Variants in MRRF observed in about 807,000 individuals in gnomAD.
MRRF encodes the protein mitochondrial ribosome recycling factor, also known as ribosome-recycling factor, mitochondrial.
In MRRF, 18 loss-of-function variants were observed where a neutral mutation model predicts 25.1. That is an observed-to-expected ratio of 0.72 (90% CI 0.50 to 1.06). The LOEUF is 1.06. Among genes scored for constraint, MRRF ranks in the 50% least tolerant of loss-of-function variants. MRRF has a pLI of 0.00. For synonymous variants in MRRF, 113 were observed against 112.1 expected (o/e 1.01, Z -0.05); for missense variants, 323 against 319.3 (o/e 1.01, Z -0.09).
At chr9:122,283,347 C>G (rs1445000558) in intron 3 of MRRF, among the ~76,000 whole-genome samples, 1 of 152,168 alleles carries the variant, frequency 6.6e-6, no homozygotes, top group Non-Finnish European at 1.5e-5. Context: ...CCCGCCTCAG[C>G]CTCCCAAAGT....
chr9:122,270,324 A>G (rs932668281), intron 1 of MRRF, among the ~76,000 whole-genome samples: 4 of 152,256 alleles, frequency 2.6e-5, no homozygotes, highest in Admixed American at 6.5e-5. Context: ...GAAGACCTCA[A>G]ACCTCAATCA....
At chr9:122,315,937 G>A (rs1223840467) in intron 6 of MRRF, among the ~76,000 whole-genome samples, 1 of 152,052 alleles carries the variant, frequency 6.6e-6, no homozygotes, top group African/African-American at 2.4e-5. Flanking sequence ...CTGGCTTTTC[G>A]CCATCCTCTT....
chr9:122,277,396 C>G (rs1588015406), intron 2 of MRRF, among the ~76,000 whole-genome samples: 1 of 152,254 alleles, frequency 6.6e-6, no homozygotes. Flanking sequence ...ATACATCAAA[C>G]TTTCTGTGAT....
intron 5 of MRRF, among the ~76,000 whole-genome samples, chr9:122,309,892 T>G (rs1251137962): frequency 6.6e-6 from 1 of 152,198 alleles, no homozygotes; most frequent in Non-Finnish European, 1.5e-5. Context: ...ACCAGTGAGA[T>G]CTCAAAAAGT....
chr9:122,325,269 T>G lies in MRRF; in HGVS notation c.*2652T>G, dbSNP rs558250317. 6.6e-6 allele frequency: 1 copy of G among 152,336 alleles called. No homozygotes were observed. Among genetic ancestry groups the G allele is most frequent in the South Asian group, 2.1e-4 (1 of 4,832 alleles). The allele number at this position is 152,336 out of a possible 1,614,324, so 9.4% of individuals were successfully genotyped here. On this transcript the variant is annotated 3_prime_UTR_variant, in exon 7 of 7. Coordinates refer to ENST00000344641, the MANE Select transcript of MRRF (RefSeq NM_138777.5). ...TATGTTGGCCAAAGCTGTATCATGATAAATGAATAAAGGAAAACCTCGAGC... is the reference window on the plus strand; with the variant it reads ...TATGTTGGCCAAAGCTGTATCATGAGAAATGAATAAAGGAAAACCTCGAGC...
At chr9:122,320,963 T>C (rs1234496469) in intron 6 of MRRF, among the ~76,000 whole-genome samples, 1 of 152,238 alleles carries the variant, frequency 6.6e-6, no homozygotes, top group Admixed American at 6.5e-5. Flanking sequence ...ATTGTGTTTT[T>C]TCATTCTTGG....
chr9:122,306,456 G>A (rs1213600185), intron 5 of MRRF, among the ~76,000 whole-genome samples: 3 of 152,192 alleles, frequency 2.0e-5, no homozygotes, highest in Non-Finnish European at 4.4e-5. Context: ...TGGAAAAACT[G>A]AGGCAGAGGT....
chr9:122,305,904 T>C (rs1834811853), intron 5 of MRRF, among the ~76,000 whole-genome samples: 1 of 152,224 alleles, frequency 6.6e-6, no homozygotes, highest in Admixed American at 6.5e-5. Flanking sequence ...GTAATCATTG[T>C]TTCTGGAACA....
At chr9:122,275,781 G>A (rs1464989482) in intron 2 of MRRF, among the ~76,000 whole-genome samples, 1 of 152,084 alleles carries the variant, frequency 6.6e-6, no homozygotes, top group Non-Finnish European at 1.5e-5. Flanking sequence ...TTTTAAGGTT[G>A]AATAATATGC....
chr9:122,302,674 G>A (rs953423721), intron 5 of MRRF, among the ~76,000 whole-genome samples: 2 of 151,936 alleles, frequency 1.3e-5, no homozygotes, highest in African/African-American at 4.8e-5. Context: ...GAACATTATT[G>A]TGCAAGTTTT....
chr9:122,285,223 A>T lies in MRRF; in HGVS notation c.395A>T (p.Gln132Leu). Reference sequence around the variant, plus strand: ...GCTGACGGGAAGCTTGCTTTAAACCAGATTAGCCAGATCTCCATGAAGTCG... The same window carrying T: ...GCTGACGGGAAGCTTGCTTTAAACCTGATTAGCCAGATCTCCATGAAGTCG... ...VTADGKLALN[Q>L]ISQISMKSPQ... Residue 132 changes from glutamine to leucine, a missense_variant, in exon 4 of 7, where the codon CAG becomes CTG. Transcript: ENST00000344641. 1 of 1,614,066 alleles carries T rather than the reference A, an allele frequency of 6.2e-7. No individual in the cohort carries two copies. Among genetic ancestry groups the T allele is most frequent in the Non-Finnish European group, 8.5e-7 (1 of 1,179,926 alleles).
At chr9:122,302,582 C>G (rs983858102) in intron 5 of MRRF, among the ~76,000 whole-genome samples, 1 of 152,108 alleles carries the variant, frequency 6.6e-6, no homozygotes, top group East Asian at 1.9e-4. Context: ...ATGGCTATAC[C>G]ACATTTTATA....
chr9:122,316,419 G>A (rs866477189), intron 6 of MRRF, among the ~76,000 whole-genome samples: 1 of 151,910 alleles, frequency 6.6e-6, no homozygotes, highest in African/African-American at 2.4e-5. Context: ...CAGATGATCC[G>A]CCCACCTCAG....
Position 122,323,276 on chromosome 9 carries a change from T to A in MRRF, c.*659T>A, listed in dbSNP as rs1040832167. 1.3e-5 allele frequency: 2 copies of A among 157,012 alleles called. No homozygotes were observed. The highest frequency in any genetic ancestry group is 2.4e-5 in the African/African-American group (1 of 41,462). The allele number at this position is 157,012 out of a possible 1,614,324, so 9.7% of individuals were successfully genotyped here. ...TATCACGTCCTCTGGGAAGTCTTCT[T>A]TTCCCCTCTAACCTAGGACCCTCAT... On this transcript the variant is annotated 3_prime_UTR_variant, in exon 7 of 7. Coordinates refer to ENST00000344641, the MANE Select transcript of MRRF (RefSeq NM_138777.5).
At chr9:122,321,219 G>A (rs1835871650) in intron 6 of MRRF, among the ~76,000 whole-genome samples, 1 of 152,034 alleles carries the variant, frequency 6.6e-6, no homozygotes, top group South Asian at 2.1e-4. Context: ...ATATTTTAGA[G>A]ATCATTTCTA....
At chr9:122,288,400 T>G (rs1222933090) in intron 4 of MRRF, among the ~76,000 whole-genome samples, 1 of 152,218 alleles carries the variant, frequency 6.6e-6, no homozygotes, top group African/African-American at 2.4e-5. Flanking sequence ...AAATTAGGCA[T>G]TATTTATTTC....
intron 4 of MRRF, among the ~76,000 whole-genome samples, chr9:122,291,334 G>A (rs1048323237): frequency 2.0e-5 from 3 of 152,126 alleles, no homozygotes; most frequent in African/African-American, 4.8e-5. Context: ...ATTCCAAATC[G>A]GCACTGGTAT....
chr9:122,295,928 C>T (rs1302588097), intron 5 of MRRF, among the ~76,000 whole-genome samples: 2 of 152,132 alleles, frequency 1.3e-5, no homozygotes, highest in Non-Finnish European at 2.9e-5. Flanking sequence ...ATTACCTCAC[C>T]CTCATTACAT....
At chr9:122,273,411 C>G (rs1832581760) in intron 2 of MRRF, among the ~76,000 whole-genome samples, 1 of 149,640 alleles carries the variant, frequency 6.7e-6, no homozygotes, top group Non-Finnish European at 1.5e-5. Context: ...CACTGCCACT[C>G]CAGCCTGGGG....
Sources: allele counts gnomAD v4.1 joint callset (sites outside exome capture counted in the v4.1 genomes callset), GRCh38; gene constraint gnomAD v4.1.1; transcripts MANE v1.5; gene names NCBI Gene and HGNC (gene_info 2026-07-23, HGNC 2026-07-21).